Variants in ACP5 observed in about 807,000 individuals in gnomAD.
ACP5 encodes acid phosphatase 5, tartrate resistant.
A neutral mutation model predicts 28.7 loss-of-function variants in ACP5; 24 were observed. That is an observed-to-expected ratio of 0.84 (90% CI 0.61 to 1.18). ACP5 has a LOEUF of 1.18. Among genes scored for constraint, ACP5 ranks in the 50% most tolerant of loss-of-function variants. The pLI is 0.00. For missense variants in ACP5, 354 were observed against 422.2 expected, an observed-to-expected ratio of 0.84 and a Z score of 1.42; for synonymous variants, 154 against 181.4, an observed-to-expected ratio of 0.85 and a Z score of 1.21.
At chr19:11,577,724 G>T (rs2071483), upstream of ACP5, 24,279 of 305,504 alleles carry the variant, frequency 0.079, 1,347 homozygotes, top group South Asian at 0.16. This position sits in a 1 kb window ranked among gnomAD's most constrained non-coding sequence, Gnocchi z 5.7. Context: ...CAGTTTCTCC[G>T]AGGGCTGTCC....
upstream of ACP5, chr19:11,577,689 A>G (rs8107187): frequency 7.1e-3 from 2,664 of 372,928 alleles, 63 homozygotes; most frequent in African/African-American, 0.047. This position sits in a 1 kb window ranked among gnomAD's most constrained non-coding sequence, Gnocchi z 5.7. Flanking sequence ...CCTGAGGAGG[A>G]AGTGGATCAT....
At position 11,576,305 on chromosome 19, in the gene ACP5, G is replaced by C; in HGVS notation, c.673C>G (p.Arg225Gly). 1 of 1,611,242 alleles carries C rather than the reference G, an allele frequency of 6.2e-7. No homozygotes were observed. The highest frequency in any genetic ancestry group is 2.2e-5 in the East Asian group (1 of 44,858). ...GPTHCLVKQL[R>G]PLLATYGVTA... ...ACCCCGTATGTGGCCAGCAGTGGCCGTAGCTGCTTGACCAGGCAGTGGGTA... is the reference window on the plus strand; with the variant it reads ...ACCCCGTATGTGGCCAGCAGTGGCCCTAGCTGCTTGACCAGGCAGTGGGTA... The change falls in exon 4 of 5, where the codon CGG (arginine) becomes GGG (glycine). Residue 225 changes from arginine to glycine, a missense_variant. Arg to Gly is a moderately radical substitution (Grantham distance 125). Coordinates refer to ENST00000648477, the MANE Select transcript of ACP5 (RefSeq NM_001611.5).
intron 4 of ACP5, 48 bp from the exon 5 acceptor site, chr19:11,575,300 G>T: frequency 6.2e-7 from 1 of 1,611,002 alleles, no homozygotes; most frequent in Non-Finnish European, 8.5e-7. Flanking sequence ...TTTGAGCAGA[G>T]CCCTGCCTAA....
rs1454032952 is a variant in ACP5, at chr19:11,574,851, A to G, written c.*159T>C. 3.6e-5 allele frequency: 28 copies of G among 776,544 alleles called. 1 individual carries two copies. In the African/African-American group the frequency reaches 4.3e-4, roughly 12 times the overall value. 48.1% of individuals were successfully genotyped at this position (776,544 alleles called of 1,614,324 possible). The stretch of plus-strand genomic sequence containing the variant: ...CACATACGTGGGCATCTGTGCCACA[A>G]GGGTCATGTGGCACCACAGTTCATC... On this transcript the variant is annotated 3_prime_UTR_variant, in exon 5 of 5. Coordinates refer to ENST00000648477, the MANE Select transcript of ACP5 (RefSeq NM_001611.5).
rs200885075 is a variant in ACP5, at chr19:11,576,863, C to T, written c.262-20G>A. 1.3e-5 allele frequency: 21 copies of T among 1,614,032 alleles called. No individual in the cohort carries two copies. In the East Asian group the frequency reaches 4.2e-4, roughly 33 times the overall value. The stretch of plus-strand genomic sequence containing the variant: ...GGTCTCCTGTAGCAAACAGATAGGG[C>T]AGGCCTCTTCCCTGGGGTCAGTGGC... On this transcript the variant is annotated intron_variant, in intron 2 of 4. Coordinates refer to ENST00000648477, the MANE Select transcript of ACP5 (RefSeq NM_001611.5).
Position 11,576,762 on chromosome 19 carries a change from C to T in ACP5, c.343G>A (p.Gly115Ser). Residue 115 changes from glycine (G) to serine (S), a missense_variant, in exon 3 of 5, where the codon GGC becomes AGC. Coordinates refer to ENST00000648477, the MANE Select transcript of ACP5 (RefSeq NM_001611.5). ...TATGCAATCTGGGCAGAGACATTGC[C>T]AAGGTGGTCATGGTTTCCGGCTAGC... ...YVLAGNHDHLGNVSAQIAYSK... is the reference protein window; with the variant it reads ...YVLAGNHDHLSNVSAQIAYSK... 1 of 1,614,002 alleles carries T rather than the reference C, an allele frequency of 6.2e-7. No homozygotes were observed.
Position 11,576,456 on chromosome 19 carries a change from C to G in ACP5, c.522G>C (p.Arg174Ser). The G allele has an allele frequency of 6.2e-7, 1 of 1,614,144 alleles. No individual in the cohort carries two copies. Among genetic ancestry groups the G allele is most frequent in the Non-Finnish European group, 8.5e-7 (1 of 1,180,024 alleles). The change falls in exon 4 of 5, where the codon AGG becomes AGC. Residue 174 changes from arginine (R) to serine (S), a missense_variant. Arg to Ser is a moderately radical substitution (Grantham distance 110). Transcript: ENST00000648477. ...TGCGGGCCAGCTTCACGTCTCGGGGCCTCTCAGGCTGCTGGCTGAGGAAGT... is the reference window on the plus strand; with the variant it reads ...TGCGGGCCAGCTTCACGTCTCGGGGGCTCTCAGGCTGCTGGCTGAGGAAGT... ...SDDFLSQQPE[R>S]PRDVKLARTQ...
chr19:11,577,701 A>T, upstream of ACP5: 1 of 342,680 alleles, frequency 2.9e-6, no homozygotes, highest in Non-Finnish European at 5.7e-6. This position sits in a 1 kb window ranked among gnomAD's most constrained non-coding sequence, Gnocchi z 5.7. Flanking sequence ...GTGGATCATT[A>T]GTGAGGATGA....
rs549955384 is a variant in ACP5 at position 11,575,223 on chromosome 19, G to C, written c.765C>G (p.Tyr255Ter). ...QYLQDENGVG[Y>*]VLSGAGNFMD... is the part of the protein sequence containing the mutation. Reference sequence around the variant, plus strand: ...TGAAATTCCCAGCCCCACTCAGCACGTAGCCCACGCCATTCTCATCTTGCA... The same window carrying C: ...TGAAATTCCCAGCCCCACTCAGCACCTAGCCCACGCCATTCTCATCTTGCA... Residue 255 changes from tyrosine (Y) to a stop codon, truncating the protein, a stop_gained, in exon 5 of 5, where the codon TAC becomes TAG. Transcript: ENST00000648477. LOFTEE classifies it high-confidence loss of function. The C allele has an allele frequency of 1.2e-6, 2 of 1,613,834 alleles. No individual in the cohort carries two copies. Among genetic ancestry groups the C allele is most frequent in the African/African-American group, 1.3e-5 (1 of 75,042 alleles).
At chr19:11,575,612 CT>C (rs966159836) in intron 4 of ACP5, 1 of 303,178 alleles carries the variant, frequency 3.3e-6, no homozygotes, top group Admixed American at 4.2e-5. Context: ...AATCCCAGCA[CT>C]TTGGGAGGCC....
chr19:11,576,393 G>A lies in ACP5; in HGVS notation c.585C>T (p.Ala195=). 6.2e-7 allele frequency: 1 copy of A among 1,611,874 alleles called. No individual in the cohort carries two copies. Among genetic ancestry groups the A allele is most frequent in the Non-Finnish European group, 8.5e-7 (1 of 1,178,702 alleles). The change falls in exon 4 of 5, where the codon GCC becomes GCT. Residue 195 remains alanine, a synonymous_variant. Coordinates refer to ENST00000648477, the MANE Select transcript of ACP5 (RefSeq NM_001611.5). ...LSWLKKQLAA[A]REDYVLVAGH... ...CAGCCACCAGCACGTAGTCCTCCCT[G>A]GCCGCCGCCAGCTGTTTCTTGAGCC...
rs62638748 is a variant in ACP5 at position 11,575,128 on chromosome 19, T to G, written c.860A>C (p.Asp287Ala). Residue 287 changes from aspartate to alanine, a missense_variant, in exon 5 of 5, where the codon GAC becomes GCC. Transcript: ENST00000648477. Reference protein sequence around the residue: ...GYLRFHYGTEDSLGGFAYVEI... With the variant: ...GYLRFHYGTEASLGGFAYVEI... ...CACATAGGCAAAGCCACCCAGTGAG[T>G]CTTCAGTCCCATAGTGGAAGCGCAG... is the stretch of plus-strand genomic sequence containing the variant. The G allele has an allele frequency of 3.2e-4, 524 of 1,614,124 alleles. 2 individuals carry two copies. The African/African-American group carries it at 6.1e-3, about 19-fold the overall frequency.
At position 11,577,216 on chromosome 19, in the gene ACP5, C is replaced by T; in HGVS notation, c.102G>A (p.Trp34Ter). ...PALRFVAVGD[W>*]GGVPNAPFHT... ...GGAATGGGGCATTGGGGACCCCTCC[C>T]CAGTCACCCACGGCTACAAAGCGCA... Residue 34 changes from tryptophan (W) to a stop codon, truncating the protein, a stop_gained, in exon 2 of 5, where the codon TGG (tryptophan) becomes TGA (stop). Transcript: ENST00000648477. LOFTEE classifies it high-confidence loss of function. This position sits in a 1 kb window ranked among gnomAD's most constrained non-coding sequence, Gnocchi z 5.7. 1 of 1,614,196 alleles carries T rather than the reference C, an allele frequency of 6.2e-7. No individual in the cohort carries two copies. The highest frequency in any genetic ancestry group is 8.5e-7 in the Non-Finnish European group (1 of 1,180,028).
Position 11,577,509 on chromosome 19 carries a change from G to A in ACP5, c.-1+84C>T, listed in dbSNP as rs1318390059. 2.0e-5 allele frequency: 14 copies of A among 683,314 alleles called. No homozygotes were observed. Among genetic ancestry groups the A allele is most frequent in the Middle Eastern group, 3.9e-4 (1 of 2,546 alleles). The allele number at this position is 683,314 out of a possible 1,614,324, so 42.3% of individuals were successfully genotyped here. A position where few individuals can be genotyped will look rare whatever the true frequency, so the allele number is the denominator to read the frequency against. The stretch of plus-strand genomic sequence containing the variant: ...ACAAGCTGGCTTAGGGAAGGGGGGC[G>A]CGGTCTGTGAGAGGGCGAGCTGTAC... On this transcript the variant is annotated intron_variant, in intron 1 of 4. Coordinates refer to ENST00000648477, the MANE Select transcript of ACP5 (RefSeq NM_001611.5). The surrounding 1 kb of genome is among the most constrained non-coding windows in gnomAD (Gnocchi z 5.7).
intron 4 of ACP5, chr19:11,575,679 G>A (rs953293863): frequency 1.7e-4 from 41 of 239,306 alleles, no homozygotes; most frequent in Non-Finnish European, 3.0e-4. Flanking sequence ...CCAACATGGT[G>A]AAACCCCGTC....
intron 4 of ACP5, among the ~76,000 whole-genome samples, chr19:11,575,952 C>T (rs1268897714): frequency 1.4e-5 from 2 of 143,230 alleles, no homozygotes; most frequent in Admixed American, 1.5e-4. Context: ...TGCAGTAAGC[C>T]CCGATTGCAC....
chr19:11,576,206 C>G, intron 4 of ACP5, 37 bp downstream of exon 4: 1 of 1,583,210 alleles, frequency 6.3e-7, no homozygotes, highest in Non-Finnish European at 8.6e-7. Flanking sequence ...TGGGGACCCC[C>G]CTCACCCAGC....
At chr19:11,575,831 CAA>C (rs953392053) in intron 4 of ACP5, among the ~76,000 whole-genome samples, 38 of 92,390 alleles carry the variant, frequency 4.1e-4, no homozygotes, top group Admixed American at 5.9e-4. Flanking sequence ...CACTCCCTCT[CAA>C]AAAAAAAAAA....
Position 11,576,428 on chromosome 19 carries a change from G to C in ACP5, c.550C>G (p.Gln184Glu). 1 of 1,614,030 alleles carries C rather than the reference G, an allele frequency of 6.2e-7. No individual in the cohort carries two copies. Among genetic ancestry groups the C allele is most frequent in the Non-Finnish European group, 8.5e-7 (1 of 1,180,016 alleles). Residue 184 changes from glutamine to glutamate, a missense_variant, in exon 4 of 5, where the codon CAG becomes GAG. Transcript: ENST00000648477. ...AGCTGTTTCTTGAGCCAGGACAGCT[G>C]TGTGCGGGCCAGCTTCACGTCTCGG... ...RPRDVKLART[Q>E]LSWLKKQLAA...
Sources: gnomAD v4.1 joint callset for allele counts (sites outside exome capture counted in the v4.1 genomes callset) on GRCh38, gnomAD v4.1.1 for gene constraint, Gnocchi (gnomAD v3.1) non-coding constraint, MANE v1.5 for transcripts, NCBI Gene and HGNC (gene_info 2026-07-23, HGNC 2026-07-21) for gene names.